The following TTC39B variants were observed in gnomAD, a reference collection of about 807,000 sequenced individuals.
TTC39B encodes the protein tetratricopeptide repeat domain 39B, also known as tetratricopeptide repeat protein 39B.
TTC39B carries 92 observed loss-of-function variants against 96.6 expected under a neutral mutation model. The ratio of observed to expected loss-of-function variants is 0.95; its 90% confidence interval spans 0.80 to 1.13. TTC39B has a LOEUF of 1.13. Ranked by LOEUF, TTC39B falls within the 50% of genes most tolerant of loss-of-function variation. The probability of loss-of-function intolerance (pLI) is 0.00; values close to 1 mark genes in which losing one functional copy is unlikely to be tolerated. For missense variants in TTC39B, 955 were observed against 809.3 expected (o/e 1.18, Z -2.18); for synonymous variants, 367 against 299.4 (o/e 1.23, Z -2.33).
intron 17 of TTC39B, among the ~76,000 whole-genome samples, chr9:15,178,239 A>G (rs1323136213): frequency 6.6e-6 from 1 of 152,128 alleles, no homozygotes; most frequent in Non-Finnish European, 1.5e-5. Context: ...ACTTTTTAGC[A>G]TTTGTTATGC....
intron 2 of TTC39B, among the ~76,000 whole-genome samples, chr9:15,263,347 A>G (rs1823011518): frequency 6.6e-6 from 1 of 152,188 alleles, no homozygotes; most frequent in African/African-American, 2.4e-5. Context: ...CAATAAATCT[A>G]TGAGAGGAGA....
intron 16 of TTC39B, chr9:15,183,394 T>G (rs768391976): frequency 2.3e-6 from 1 of 431,318 alleles, no homozygotes; most frequent in South Asian, 1.7e-5. Context: ...ATAAAATCTT[T>G]TTATCAGAAG....
At chr9:15,180,610 G>C (rs1818199406) in intron 17 of TTC39B, among the ~76,000 whole-genome samples, 2 of 152,098 alleles carry the variant, frequency 1.3e-5, no homozygotes, top group African/African-American at 4.8e-5. Flanking sequence ...ATGGGGGTGG[G>C]GGATGGGGTG....
intron 3 of TTC39B, among the ~76,000 whole-genome samples, chr9:15,219,497 T>G (rs1820722581): frequency 6.6e-6 from 1 of 152,108 alleles, no homozygotes; most frequent in Non-Finnish European, 1.5e-5. Flanking sequence ...TAAATAAAAG[T>G]CTACAAAACC....
chr9:15,261,296 T>C (rs1257135909), intron 2 of TTC39B, among the ~76,000 whole-genome samples: 1 of 151,908 alleles, frequency 6.6e-6, no homozygotes. Flanking sequence ...CTGGGTAACA[T>C]AGGGAGACTG....
At chr9:15,209,965 G>A (rs1013345468) in intron 6 of TTC39B, 123 bp downstream of exon 6, 8 of 699,890 alleles carry the variant, frequency 1.1e-5, no homozygotes, top group African/African-American at 9.3e-5. Flanking sequence ...TCCAGAGGGT[G>A]AGTATGATAG....
chr9:15,202,716 G>C (rs1205840220), intron 7 of TTC39B, among the ~76,000 whole-genome samples: 1 of 148,176 alleles, frequency 6.7e-6, no homozygotes, highest in Admixed American at 6.8e-5. Flanking sequence ...CAACCACCCT[G>C]CCACCCCTCC....
At chr9:15,269,465 G>A (rs1341188024) in intron 1 of TTC39B, among the ~76,000 whole-genome samples, 2 of 152,176 alleles carry the variant, frequency 1.3e-5, no homozygotes. Flanking sequence ...AGGGGGCTAG[G>A]GATCTTTTCC....
chr9:15,217,686 G>A (rs1820599303), intron 3 of TTC39B, among the ~76,000 whole-genome samples: 1 of 152,112 alleles, frequency 6.6e-6, no homozygotes, highest in African/African-American at 2.4e-5. Flanking sequence ...TGCTCTCCAA[G>A]AATGCCTTCC....
chr9:15,275,170 T>G (rs1417842682), intron 1 of TTC39B, among the ~76,000 whole-genome samples: 1 of 152,146 alleles, frequency 6.6e-6, no homozygotes, highest in African/African-American at 2.4e-5. Context: ...GCCTCCCAAG[T>G]AGCTGAGATT....
intron 2 of TTC39B, among the ~76,000 whole-genome samples, chr9:15,237,132 T>C (rs1161757658): frequency 6.6e-6 from 1 of 152,070 alleles, no homozygotes; most frequent in Non-Finnish European, 1.5e-5. Flanking sequence ...CTGCCCAACA[T>C]GGCGAAACGT....
intron 1 of TTC39B, among the ~76,000 whole-genome samples, chr9:15,293,998 TGCTCTG>T (rs1824282732): frequency 6.6e-6 from 1 of 152,246 alleles, no homozygotes. Context: ...TCTCCGAGCC[TGCTCTG>T]GCTCCAGAGA....
intron 1 of TTC39B, among the ~76,000 whole-genome samples, chr9:15,274,890 C>T (rs1253928189): frequency 6.6e-6 from 1 of 152,024 alleles, no homozygotes; most frequent in Admixed American, 6.6e-5. Flanking sequence ...AAATCATCTG[C>T]CAAAACATAA....
intron 1 of TTC39B, among the ~76,000 whole-genome samples, chr9:15,281,335 C>T (rs1298992041): frequency 2.0e-5 from 3 of 152,038 alleles, no homozygotes; most frequent in Non-Finnish European, 2.9e-5. Flanking sequence ...TAACATGATG[C>T]CTATTCACAG....
chr9:15,300,910 A>AC (rs1824563053), intron 1 of TTC39B, among the ~76,000 whole-genome samples: 1 of 141,136 alleles, frequency 7.1e-6, no homozygotes, highest in Admixed American at 6.9e-5. Flanking sequence ...AAAAAAAAAA[A>AC]AAAAAAAACC....
chr9:15,179,829 G>A (rs940635462), intron 17 of TTC39B, among the ~76,000 whole-genome samples: 3 of 152,136 alleles, frequency 2.0e-5, no homozygotes, highest in East Asian at 1.9e-4. Flanking sequence ...TAGTAAAGCC[G>A]CATGTAACTT....
intron 1 of TTC39B, among the ~76,000 whole-genome samples, chr9:15,299,622 A>G (rs1824508737): frequency 6.6e-6 from 1 of 152,204 alleles, no homozygotes. Context: ...AAGCACCCAC[A>G]GGAGTCCCCA....
Position 15,214,611 on chromosome 9 carries a change from C to T in TTC39B, c.372-362G>A, listed in dbSNP as rs1820410069. Among the ~76,000 whole-genome samples the T allele has an allele frequency of 3.3e-5, 5 of 152,232 alleles. No homozygotes were observed. The South Asian group carries it at 1.0e-3, about 32-fold the overall frequency. On this transcript the variant is annotated intron_variant, in intron 3 of 19. Coordinates refer to ENST00000512701, the Ensembl canonical transcript of TTC39B. ...AGTAGAGGTTCAACTAACTTCCCTC[C>T]CCGACCGTGGAATAAGTTAGTTTTC...
At chr9:15,245,429 G>A (rs180853607) in intron 2 of TTC39B, among the ~76,000 whole-genome samples, 1 of 152,220 alleles carries the variant, frequency 6.6e-6, no homozygotes, top group African/African-American at 2.4e-5. Context: ...TAGTTAATGT[G>A]CTGTATTTAT....
Sources: gnomAD v4.1 joint callset for allele counts (sites outside exome capture counted in the v4.1 genomes callset) on GRCh38, gnomAD v4.1.1 for gene constraint, MANE v1.5 for transcripts, NCBI Gene and HGNC (gene_info 2026-07-23, HGNC 2026-07-21) for gene names.